Variants in ENTREP2 observed in about 807,000 individuals in gnomAD.
ENTREP2 encodes the protein protein ENTREP2.
chr15:29,187,703 T>C, the ENTREP2 span, among the ~76,000 whole-genome samples: 2 of 152,230 alleles, frequency 1.3e-5, no homozygotes, highest in African/African-American at 4.8e-5. Context: ...TCTGAATGAA[T>C]AAATTAAAAA....
At chr15:29,439,949 T>C in the ENTREP2 span, among the ~76,000 whole-genome samples, 2 of 152,070 alleles carry the variant, frequency 1.3e-5, no homozygotes, top group Non-Finnish European at 2.9e-5. Flanking sequence ...ATGAGGGGGG[T>C]ACCTTACCTC....
chr15:29,279,530 A>G, the ENTREP2 span, among the ~76,000 whole-genome samples: 1 of 151,960 alleles, frequency 6.6e-6, no homozygotes, highest in African/African-American at 2.4e-5. Flanking sequence ...ACACTCAGCT[A>G]ATTTTTGTAT....
the ENTREP2 span, among the ~76,000 whole-genome samples, chr15:29,440,627 A>C: frequency 6.6e-6 from 1 of 152,122 alleles, no homozygotes; most frequent in East Asian, 1.9e-4. Context: ...CCTGTTCCTC[A>C]ATCATACTCA....
the ENTREP2 span, chr15:29,269,247 G>A: frequency 2.5e-6 from 4 of 1,614,168 alleles, no homozygotes; most frequent in South Asian, 1.1e-5. Flanking sequence ...TGTTGATGAG[G>A]ATGTAAGTGT....
the ENTREP2 span, among the ~76,000 whole-genome samples, chr15:29,329,468 C>T: frequency 3.3e-5 from 5 of 152,202 alleles, no homozygotes; most frequent in African/African-American, 4.8e-5. Context: ...ATGAAAACTG[C>T]GAATAAAGAG....
chr15:29,140,986 T>C, the ENTREP2 span, among the ~76,000 whole-genome samples: 5 of 152,176 alleles, frequency 3.3e-5, no homozygotes, highest in African/African-American at 1.2e-4. Context: ...GAGTGAGGAT[T>C]TGAGACCCCG....
chr15:29,493,881 G>A, the ENTREP2 span, among the ~76,000 whole-genome samples: 1 of 152,054 alleles, frequency 6.6e-6, no homozygotes, highest in Non-Finnish European at 1.5e-5. Context: ...GGAGGCTGAG[G>A]CAGGAGAGTT....
At chr15:29,364,494 T>C in the ENTREP2 span, among the ~76,000 whole-genome samples, 1 of 152,190 alleles carries the variant, frequency 6.6e-6, no homozygotes, top group Admixed American at 6.5e-5. Flanking sequence ...ACAGAAATGG[T>C]CGGATTTCTC....
At chr15:29,624,316 C>T in the ENTREP2 span, among the ~76,000 whole-genome samples, 4 of 151,632 alleles carry the variant, frequency 2.6e-5, no homozygotes, top group East Asian at 1.9e-4. Context: ...CCCAATAACG[C>T]GCACACATGC....
At chr15:29,149,038 G>C in the ENTREP2 span, among the ~76,000 whole-genome samples, 1 of 151,918 alleles carries the variant, frequency 6.6e-6, no homozygotes, top group East Asian at 1.9e-4. Context: ...CACCATGCCC[G>C]GCTAATTTTT....
At chr15:29,243,367 A>G in the ENTREP2 span, among the ~76,000 whole-genome samples, 11 of 152,308 alleles carry the variant, frequency 7.2e-5, no homozygotes, top group African/African-American at 2.4e-4. Context: ...AAAAAGTCTA[A>G]CTACCTAAAA....
chr15:29,255,368 T>A, the ENTREP2 span, among the ~76,000 whole-genome samples: 2 of 151,990 alleles, frequency 1.3e-5, no homozygotes, highest in African/African-American at 4.8e-5. Context: ...AAGTAAAAAA[T>A]AACATGTTAG....
the ENTREP2 span, chr15:29,136,398 C>G: frequency 2.0e-5 from 31 of 1,527,134 alleles, no homozygotes; most frequent in Non-Finnish European, 2.7e-5. Flanking sequence ...ACCACCGCCT[C>G]GTACGGAGGG....
the ENTREP2 span, among the ~76,000 whole-genome samples, chr15:29,387,916 A>T: frequency 1.3e-5 from 2 of 152,380 alleles, no homozygotes; most frequent in South Asian, 4.1e-4. Flanking sequence ...GGCTAGCCAT[A>T]CGTAGAAAGC....
the ENTREP2 span, among the ~76,000 whole-genome samples, chr15:29,140,781 C>G: frequency 1.7e-4 from 26 of 152,174 alleles, no homozygotes; most frequent in African/African-American, 6.0e-4. Context: ...AAGCTCAACT[C>G]TGCACCTGGA....
the ENTREP2 span, among the ~76,000 whole-genome samples, chr15:29,596,852 T>C: frequency 8.9e-4 from 136 of 152,208 alleles, 2 homozygotes; most frequent in East Asian, 0.025. Context: ...TATTTTTTAG[T>C]AGAGACAGGC....
chr15:29,522,089 A>G, the ENTREP2 span, among the ~76,000 whole-genome samples: 3 of 152,246 alleles, frequency 2.0e-5, no homozygotes, highest in African/African-American at 7.2e-5. Flanking sequence ...AAAAGATGAA[A>G]TAAACCTCAA....
the ENTREP2 span, among the ~76,000 whole-genome samples, chr15:29,481,777 T>C: frequency 6.6e-6 from 1 of 152,170 alleles, no homozygotes. Flanking sequence ...AGGACTGCAA[T>C]GGTTCTCTGA....
the ENTREP2 span, among the ~76,000 whole-genome samples, chr15:29,545,976 C>T: frequency 0.33 from 50,481 of 152,084 alleles, 8,676 homozygotes; most frequent in East Asian, 0.42. Flanking sequence ...TATATCACCA[C>T]TAGACATTTA....
Sources: allele counts gnomAD v4.1 joint callset (sites outside exome capture counted in the v4.1 genomes callset), GRCh38; gene constraint gnomAD v4.1.1; transcripts MANE v1.5; gene names NCBI Gene and HGNC (gene_info 2026-07-23, HGNC 2026-07-21).